LRRC4C: variants seen among roughly 807,000 people sequenced by gnomAD.
The protein encoded by LRRC4C is leucine rich repeat containing 4C.
LRRC4C carries 5 observed loss-of-function variants against 33.6 expected under a neutral mutation model. The ratio of observed to expected loss-of-function variants is 0.15; its 90% confidence interval spans 0.08 to 0.31. LRRC4C has a LOEUF of 0.31. Among genes scored for constraint, LRRC4C ranks in the 10% least tolerant of loss-of-function variants. The probability of loss-of-function intolerance (pLI) is 1.00; values close to 1 mark genes in which losing one functional copy is unlikely to be tolerated. For missense variants in LRRC4C, 560 were observed against 796.7 expected, an observed-to-expected ratio of 0.70 and a Z score of 3.58; for synonymous variants, 329 against 302.0, an observed-to-expected ratio of 1.09 and a Z score of -0.93.
At chr11:41,295,873 A>G (rs951169041) in intron 1 of LRRC4C, among the ~76,000 whole-genome samples, 2 of 152,200 alleles carry the variant, frequency 1.3e-5, no homozygotes, top group Non-Finnish European at 2.9e-5. Context: ...TTTGAACACT[A>G]TTTTGCTAAG....
chr11:41,165,161 C>T (rs926911591), intron 1 of LRRC4C, among the ~76,000 whole-genome samples: 8 of 152,074 alleles, frequency 5.3e-5, no homozygotes, highest in African/African-American at 1.4e-4. Flanking sequence ...CCTCCACAAT[C>T]GCGATGGCCC....
chr11:41,006,412 C>A (rs1309288830), intron 1 of LRRC4C, among the ~76,000 whole-genome samples: 1 of 152,166 alleles, frequency 6.6e-6, no homozygotes, highest in African/African-American at 2.4e-5. Flanking sequence ...GGCCATTTCA[C>A]AAAGTTAGGA....
chr11:41,435,090 A>T (rs1446521575), intron 1 of LRRC4C, among the ~76,000 whole-genome samples: 1 of 152,186 alleles, frequency 6.6e-6, no homozygotes, highest in African/African-American at 2.4e-5. Flanking sequence ...TTAAAAGTCC[A>T]CAAGGTCCTT....
Position 40,871,012 on chromosome 11 carries a change from G to A in LRRC4C, c.-407+62623C>T, listed in dbSNP as rs1275853946. Among the ~76,000 whole-genome samples, 6 of 152,034 alleles carry A rather than the reference G, an allele frequency of 3.9e-5. No homozygotes were observed. In the South Asian group the frequency reaches 1.0e-3, roughly 26 times the overall value. Reference sequence around the variant, plus strand: ...TCTGAAATGGCCACTTCGGCGGGGCGGCCGTCTTTTATGGTCGAAGCTGTA... The same window carrying A: ...TCTGAAATGGCCACTTCGGCGGGGCAGCCGTCTTTTATGGTCGAAGCTGTA... On this transcript the variant is annotated intron_variant, in intron 2 of 6. Coordinates refer to ENST00000528697, the MANE Select transcript of LRRC4C (RefSeq NM_001258419.2).
At chr11:40,511,201 C>T (rs570384392) in intron 3 of LRRC4C, among the ~76,000 whole-genome samples, 2 of 152,016 alleles carry the variant, frequency 1.3e-5, no homozygotes, top group Non-Finnish European at 2.9e-5. Context: ...AGAAAGCCCA[C>T]AATGGTTTTA....
chr11:40,174,889 C>A (rs759397484), intron 5 of LRRC4C, among the ~76,000 whole-genome samples: 9 of 152,126 alleles, frequency 5.9e-5, no homozygotes, highest in Non-Finnish European at 1.2e-4. Flanking sequence ...CGGTCACATG[C>A]TTTGATTAAA....
At chr11:40,310,638 C>CTA (rs1233442179) in intron 4 of LRRC4C, among the ~76,000 whole-genome samples, 6 of 152,146 alleles carry the variant, frequency 3.9e-5, no homozygotes, top group African/African-American at 1.2e-4. Flanking sequence ...AGATACTGTG[C>CTA]TACACTCTTA....
At chr11:41,371,491 C>A (rs1175078923) in intron 1 of LRRC4C, among the ~76,000 whole-genome samples, 15 of 152,114 alleles carry the variant, frequency 9.9e-5, no homozygotes, top group Admixed American at 9.2e-4. Flanking sequence ...ATGTGGAAAT[C>A]CTTCATCTCA....
intron 2 of LRRC4C, among the ~76,000 whole-genome samples, chr11:40,861,269 G>A (rs184139634): frequency 5.9e-5 from 9 of 152,248 alleles, no homozygotes; most frequent in Admixed American, 5.9e-4. Context: ...AGAAGATAGA[G>A]GTGTGTGGGA....
chr11:40,834,106 T>G (rs566367004), intron 2 of LRRC4C, among the ~76,000 whole-genome samples: 2 of 152,272 alleles, frequency 1.3e-5, no homozygotes, highest in South Asian at 4.1e-4. Context: ...ATCATAGTAA[T>G]TTGTGAGTTA....
chr11:41,093,515 G>A (rs1940579830), intron 1 of LRRC4C, among the ~76,000 whole-genome samples: 1 of 152,046 alleles, frequency 6.6e-6, no homozygotes, highest in South Asian at 2.1e-4. Context: ...CTTGGAAGTG[G>A]AATATGTATA....
At chr11:40,403,169 A>G (rs10837401) in intron 3 of LRRC4C, among the ~76,000 whole-genome samples, 57,347 of 151,912 alleles carry the variant, frequency 0.38, 11,206 homozygotes, top group South Asian at 0.47. Flanking sequence ...ACACTGTCCC[A>G]TATAGCTCTT....
intron 1 of LRRC4C, among the ~76,000 whole-genome samples, chr11:41,176,534 T>C (rs1945205749): frequency 6.6e-6 from 1 of 152,138 alleles, no homozygotes; most frequent in Non-Finnish European, 1.5e-5. Context: ...ATGGTATATA[T>C]AGCAGTGAAA....
chr11:40,805,671 A>T (rs1951214770), intron 2 of LRRC4C, among the ~76,000 whole-genome samples: 2 of 152,096 alleles, frequency 1.3e-5, no homozygotes, highest in South Asian at 4.2e-4. Context: ...GACACTAGGG[A>T]GTCTTGTTCT....
At chr11:40,341,418 T>C (rs950548792) in intron 3 of LRRC4C, among the ~76,000 whole-genome samples, 11 of 152,112 alleles carry the variant, frequency 7.2e-5, no homozygotes, top group Non-Finnish European at 5.9e-5. Flanking sequence ...GCATGATTTA[T>C]AATCCTTTGG....
intron 1 of LRRC4C, among the ~76,000 whole-genome samples, chr11:41,116,174 A>G (rs144594258): frequency 1.6e-4 from 24 of 152,276 alleles, no homozygotes; most frequent in Admixed American, 3.9e-4. Context: ...AGCACAGAGC[A>G]TTTAAGACTA....
Position 40,260,336 on chromosome 11 carries a change from T to C in LRRC4C, c.-175-18738A>G, listed in dbSNP as rs1012637894. ...ACCAAACACCACATATTCTCACTCA[T>C]AGGTGGGAATTGAACAATGAGAACA... On this transcript the variant is annotated intron_variant, in intron 4 of 6. Transcript: ENST00000528697. Among the ~76,000 whole-genome samples, 8 of 143,914 alleles carry C rather than the reference T, an allele frequency of 5.6e-5. 2 individuals carry two copies. Among genetic ancestry groups the C allele is most frequent in the African/African-American group, 2.1e-4 (8 of 38,662 alleles). The allele number at this position is 143,914 out of a possible 152,430, so 94.4% of individuals were successfully genotyped here.
At chr11:41,056,275 C>T (rs891228680) in intron 1 of LRRC4C, among the ~76,000 whole-genome samples, 7 of 152,078 alleles carry the variant, frequency 4.6e-5, no homozygotes, top group South Asian at 4.1e-4. Flanking sequence ...GTCTAAAGAA[C>T]TTAAAAGTAA....
At chr11:40,302,067 C>T (rs74605369) in intron 4 of LRRC4C, among the ~76,000 whole-genome samples, 260 of 152,194 alleles carry the variant, frequency 1.7e-3, no homozygotes, top group African/African-American at 6.0e-3. Flanking sequence ...CTACCTAATC[C>T]ATCAAAAACT....
Sources: gnomAD v4.1 joint callset for allele counts (sites outside exome capture counted in the v4.1 genomes callset) on GRCh38, gnomAD v4.1.1 for gene constraint, MANE v1.5 for transcripts, NCBI Gene and HGNC (gene_info 2026-07-23, HGNC 2026-07-21) for gene names.